The following NXPH1 variants were observed in gnomAD, a reference collection of about 807,000 sequenced individuals.
NXPH1 encodes the protein neurexophilin 1.
NXPH1 carries 5 observed loss-of-function variants against 23.7 expected under a neutral mutation model. That is an observed-to-expected ratio of 0.21 (90% CI 0.11 to 0.44). NXPH1 has a LOEUF of 0.44. Among genes scored for constraint, NXPH1 ranks in the 20% least tolerant of loss-of-function variants. The pLI is 0.99. For synonymous variants in NXPH1, 144 were observed against 122.2 expected, an observed-to-expected ratio of 1.18 and a Z score of -1.18; for missense variants, 324 against 321.6, an observed-to-expected ratio of 1.01 and a Z score of -0.06.
intron 2 of NXPH1, among the ~76,000 whole-genome samples, chr7:8,730,074 G>A (rs543177846): frequency 6.6e-6 from 1 of 152,198 alleles, no homozygotes; most frequent in East Asian, 1.9e-4. Context: ...TTGTTGAATT[G>A]ATCCCTTTAC....
chr7:8,592,025 C>G (rs1334225166), intron 2 of NXPH1, among the ~76,000 whole-genome samples: 1 of 151,840 alleles, frequency 6.6e-6, no homozygotes, highest in African/African-American at 2.4e-5. Context: ...GATTGTGTCA[C>G]TCTTCTCTTG....
In NXPH1 at chr7:8,435,298, A is replaced by G; in HGVS notation, c.-110-306A>G. On this transcript the variant is annotated intron_variant, in intron 1 of 2. Transcript: ENST00000405863. The surrounding 1 kb of genome is among the most constrained non-coding windows in gnomAD (Gnocchi z 5.9). ...CAAGGGCAGGTCTCGCTGCCGGAGAAGCCTGGGCTCCGAACCAGCCTGCAC... is the reference window on the plus strand; with the variant it reads ...CAAGGGCAGGTCTCGCTGCCGGAGAGGCCTGGGCTCCGAACCAGCCTGCAC... 3.8e-6 allele frequency: 1 copy of G among 262,204 alleles called. No individual in the cohort carries two copies. Among genetic ancestry groups the G allele is most frequent in the South Asian group, 4.7e-5 (1 of 21,236 alleles). 16.2% of individuals were successfully genotyped at this position (262,204 alleles called of 1,614,324 possible). A position where few individuals can be genotyped will look rare whatever the true frequency, so the allele number is the denominator to read the frequency against.
intron 2 of NXPH1, among the ~76,000 whole-genome samples, chr7:8,649,584 G>A (rs1205870486): frequency 6.6e-6 from 1 of 152,160 alleles, no homozygotes; most frequent in African/African-American, 2.4e-5. Flanking sequence ...GCCCTTTGGA[G>A]ACGCGTTCTT....
chr7:8,521,530 C>T (rs1181320888), intron 2 of NXPH1, among the ~76,000 whole-genome samples: 2 of 152,090 alleles, frequency 1.3e-5, no homozygotes, highest in South Asian at 2.1e-4. Context: ...TCCTTGAAGG[C>T]CAGGTGTTGA....
chr7:8,612,956 G>C (rs1583192598), intron 2 of NXPH1, among the ~76,000 whole-genome samples: 1 of 152,128 alleles, frequency 6.6e-6, no homozygotes, highest in South Asian at 2.1e-4. Context: ...TGTTGGGTAG[G>C]ATGTGACCAG....
At chr7:8,445,392 A>C (rs1018261378) in intron 2 of NXPH1, among the ~76,000 whole-genome samples, 2 of 152,214 alleles carry the variant, frequency 1.3e-5, no homozygotes, top group African/African-American at 4.8e-5. Flanking sequence ...ATGATGCAGG[A>C]AGCTGAGCAG....
chr7:8,443,620 G>T (rs1012312491), intron 2 of NXPH1, among the ~76,000 whole-genome samples: 13 of 152,338 alleles, frequency 8.5e-5, no homozygotes, highest in Admixed American at 7.2e-4. Flanking sequence ...TTCTAAAGGC[G>T]CAGTAATTAT....
rs191237974 is a variant in NXPH1 at position 8,666,024 on chromosome 7, C to T, written c.55-84984C>T. ...ATTTAATTTCCAATTTGGAGACCTT[C>T]TAGTTCCCTTTAGTTCTTTCTTTTG... On this transcript the variant is annotated intron_variant, in intron 2 of 2. Transcript: ENST00000405863. Among the ~76,000 whole-genome samples, 275 of 126,348 alleles carry T rather than the reference C, an allele frequency of 2.2e-3. 1 individual carries two copies. The highest frequency in any genetic ancestry group is 0.017 in the Middle Eastern group (4 of 236). 82.9% of individuals were successfully genotyped at this position (126,348 alleles called of 152,430 possible). A position where few individuals can be genotyped will look rare whatever the true frequency, so the allele number is the denominator to read the frequency against.
intron 2 of NXPH1, among the ~76,000 whole-genome samples, chr7:8,472,384 C>A (rs1413824947): frequency 6.6e-6 from 1 of 152,146 alleles, no homozygotes; most frequent in Non-Finnish European, 1.5e-5. Context: ...CATTTGATTC[C>A]TTGACCACCT....
At chr7:8,704,838 C>T (rs1779678798) in intron 2 of NXPH1, among the ~76,000 whole-genome samples, 1 of 151,846 alleles carries the variant, frequency 6.6e-6, no homozygotes, top group Non-Finnish European at 1.5e-5. Context: ...TCACTGAGTT[C>T]GTAGGTTAAG....
chr7:8,648,661 C>T (rs987197565), intron 2 of NXPH1, among the ~76,000 whole-genome samples: 4 of 152,268 alleles, frequency 2.6e-5, no homozygotes, highest in Admixed American at 6.5e-5. Flanking sequence ...ACATAAATCC[C>T]TCATGTGTGC....
chr7:8,520,474 G>A (rs1817751659), intron 2 of NXPH1, among the ~76,000 whole-genome samples: 1 of 152,148 alleles, frequency 6.6e-6, no homozygotes, highest in Admixed American at 6.6e-5. Context: ...AGGTAAATGG[G>A]AACTCTTTAA....
chr7:8,541,363 A>G (rs528872439), intron 2 of NXPH1, among the ~76,000 whole-genome samples: 38 of 151,762 alleles, frequency 2.5e-4, no homozygotes, highest in African/African-American at 8.7e-4. Context: ...GCAACCTAAT[A>G]TATATATAAT....
chr7:8,540,092 G>T (rs1483785647), intron 2 of NXPH1, among the ~76,000 whole-genome samples: 1 of 151,746 alleles, frequency 6.6e-6, no homozygotes, highest in African/African-American at 2.4e-5. Context: ...AGATTTATTA[G>T]CAGATCCTAC....
At chr7:8,496,621 G>A (rs933551619) in intron 2 of NXPH1, among the ~76,000 whole-genome samples, 5 of 151,956 alleles carry the variant, frequency 3.3e-5, no homozygotes, top group Admixed American at 6.6e-5. Flanking sequence ...CAGTAGCATC[G>A]CCTGGGAACA....
chr7:8,649,666 G>T (rs1420425068), intron 2 of NXPH1, among the ~76,000 whole-genome samples: 1 of 152,160 alleles, frequency 6.6e-6, no homozygotes, highest in Non-Finnish European at 1.5e-5. Flanking sequence ...TTTGTTGGCT[G>T]CTAGAAGAGA....
intron 2 of NXPH1, among the ~76,000 whole-genome samples, chr7:8,484,783 GAA>G (rs1401464382): frequency 6.6e-6 from 1 of 151,994 alleles, no homozygotes; most frequent in Non-Finnish European, 1.5e-5. Flanking sequence ...TTTAATCAGG[GAA>G]AAATATTGCA....
chr7:8,667,300 T>C (rs988122400), intron 2 of NXPH1, among the ~76,000 whole-genome samples: 3 of 152,118 alleles, frequency 2.0e-5, no homozygotes, highest in African/African-American at 7.2e-5. Flanking sequence ...TATACATTAG[T>C]GTCCCATTTT....
intron 2 of NXPH1, among the ~76,000 whole-genome samples, chr7:8,732,335 G>A (rs1217129174): frequency 1.3e-5 from 2 of 152,242 alleles, no homozygotes; most frequent in Admixed American, 6.5e-5. Flanking sequence ...GTAGACTGGA[G>A]CTGTTCCCAT....
Sources: gnomAD v4.1 joint callset for allele counts (sites outside exome capture counted in the v4.1 genomes callset) on GRCh38, gnomAD v4.1.1 for gene constraint, Gnocchi (gnomAD v3.1) non-coding constraint, MANE v1.5 for transcripts, NCBI Gene and HGNC (gene_info 2026-07-23, HGNC 2026-07-21) for gene names.